MAP3K19: variants seen among roughly 807,000 people sequenced by gnomAD.
MAP3K19 encodes SPS1/STE20-related protein kinase YSK4.
A neutral mutation model predicts 114.4 loss-of-function variants in MAP3K19; 91 were observed. That is an observed-to-expected ratio of 0.80 (90% CI 0.67 to 0.95). The LOEUF is 0.95. MAP3K19 is among the 40% of genes least tolerant of loss of function. The pLI, the probability that MAP3K19 is intolerant of heterozygous loss-of-function variation, is 0.00. For synonymous variants in MAP3K19, 518 were observed against 530.5 expected (o/e 0.98, Z 0.32); for missense variants, 1,471 against 1,573.2 (o/e 0.94, Z 1.10).
Position 134,987,557 on chromosome 2 carries a change from C to G in MAP3K19, c.1315G>C (p.Val439Leu), listed in dbSNP as rs753065925. The G allele has an allele frequency of 6.2e-7, 1 of 1,614,164 alleles. No individual in the cohort carries two copies. Among genetic ancestry groups the G allele is most frequent in the South Asian group, 1.1e-5 (1 of 91,086 alleles). The change falls in exon 10 of 13, where the codon GTA becomes CTA. Residue 439 changes from valine (V) to leucine (L), a missense_variant. By Grantham distance (32) the Val-to-Leu change is conservative. Coordinates refer to ENST00000392915, the MANE Select transcript of MAP3K19 (RefSeq NM_025052.5). The stretch of plus-strand genomic sequence containing the variant: ...ACTACACTGGATAAGCTTTTAAGTA[C>G]AGTACACTCTTCTAAAATATTGTTT... ...EPNNILEECT[V>L]LKSLSSVVFD...
chr2:135,039,123 C>CTTTTTTTTTTTTTTTTTTTTTTT (rs61309665), intron 2 of MAP3K19, among the ~76,000 whole-genome samples: 1 of 112,486 alleles, frequency 8.9e-6, no homozygotes, highest in African/African-American at 2.9e-5. Flanking sequence ...AATTTTCTTT[C>CTTTTTTTTTTTTTTTTTTTTTTT]TTTTTTTTTT....
At chr2:135,029,938 A>G (rs1406700103) in intron 3 of MAP3K19, among the ~76,000 whole-genome samples, 2 of 152,228 alleles carry the variant, frequency 1.3e-5, no homozygotes, top group Non-Finnish European at 2.9e-5. Context: ...GATAAAGATA[A>G]TAACAGCAAC....
At chr2:135,040,816 A>G (rs747873927) in intron 1 of MAP3K19, among the ~76,000 whole-genome samples, 3 of 152,198 alleles carry the variant, frequency 2.0e-5, no homozygotes, top group Non-Finnish European at 4.4e-5. Flanking sequence ...AGAAGAGAGG[A>G]TGTATCCACA....
intron 11 of MAP3K19, 154 bp downstream of exon 11, chr2:134,983,522 G>A (rs766170134): frequency 2.1e-5 from 13 of 622,730 alleles, no homozygotes; most frequent in Non-Finnish European, 3.1e-5. Flanking sequence ...TTCCCTCAGT[G>A]GTTGGATTTT....
At chr2:135,013,201 C>T (rs1687353837) in intron 5 of MAP3K19, among the ~76,000 whole-genome samples, 1 of 151,704 alleles carries the variant, frequency 6.6e-6, no homozygotes, top group African/African-American at 2.4e-5. Flanking sequence ...ATGCCTGTAA[C>T]CCCAGTTACT....
At position 135,044,656 on chromosome 2, in the gene MAP3K19, T is replaced by C. The variant is rs547151624; in HGVS notation, c.-424+2529A>G. On this transcript the variant is annotated intron_variant, in intron 1 of 12. Transcript: ENST00000392915. ...ATTTAAAGGCACATTTGCAGAATAG[T>C]CTTATTTCCGTTTTCATGTTTGGAC... 9.1e-4 allele frequency among the ~76,000 whole-genome samples: 138 copies of C among 152,232 alleles called. 1 individual carries two copies. Among genetic ancestry groups the C allele is most frequent in the African/African-American group, 3.0e-3 (124 of 41,546 alleles).
In MAP3K19 at chr2:134,988,005, CAT is replaced by C. The variant is rs1685289437; in HGVS notation, c.865_866del (p.Met289ValfsTer5). 1 of 1,614,190 alleles carries C rather than the reference CAT, an allele frequency of 6.2e-7. No individual in the cohort carries two copies. Among genetic ancestry groups the C allele is most frequent in the Non-Finnish European group, 8.5e-7 (1 of 1,180,034 alleles). On this transcript the variant is annotated frameshift_variant, in exon 10 of 13. Coordinates refer to ENST00000392915, the MANE Select transcript of MAP3K19 (RefSeq NM_025052.5). LOFTEE classifies it high-confidence loss of function. ...SSDGFIWSRN[M>X]CSFPKTNHHR... is the part of the protein sequence containing the mutation. ...GATGGTTAGTCTTAGGAAAAGAGCA[CAT>C]GTTTCTTGACCAAATGAAGCCATCA...
intron 8 of MAP3K19, among the ~76,000 whole-genome samples, chr2:134,994,755 G>C (rs1042904202): frequency 4.6e-5 from 7 of 152,120 alleles, no homozygotes; most frequent in African/African-American, 1.7e-4. Context: ...CTCCTTTGAG[G>C]CCCATTCAAC....
At chr2:135,005,576 G>T in intron 5 of MAP3K19, 45 bp from the exon 6 acceptor site, 1 of 1,447,502 alleles carries the variant, frequency 6.9e-7, no homozygotes, top group Non-Finnish European at 9.7e-7. Flanking sequence ...GTTATTCGAT[G>T]TACCAGTTTG....
At position 134,986,739 on chromosome 2, in the gene MAP3K19, A is replaced by G; in HGVS notation, c.2133T>C (p.Asn711=). The part of the protein sequence containing the change: ...CRSSHSERKS[N]IRTRLSQKKT... ...TTTTCTGAGAAAGTCTTGTTCTGATATTGCTCTTCCTCTCACTGTGTGAAG... is the reference window on the plus strand; with the variant it reads ...TTTTCTGAGAAAGTCTTGTTCTGATGTTGCTCTTCCTCTCACTGTGTGAAG... Residue 711 remains asparagine, a synonymous_variant, in exon 10 of 13, where the codon AAT becomes AAC. Coordinates refer to ENST00000392915, the MANE Select transcript of MAP3K19 (RefSeq NM_025052.5). 1 of 1,614,092 alleles carries G rather than the reference A, an allele frequency of 6.2e-7. No homozygotes were observed. The highest frequency in any genetic ancestry group is 8.5e-7 in the Non-Finnish European group (1 of 1,180,004).
chr2:134,972,200 A>AT (rs770022330), intron 12 of MAP3K19, among the ~76,000 whole-genome samples: 95 of 148,364 alleles, frequency 6.4e-4, no homozygotes, highest in Middle Eastern at 3.4e-3. Flanking sequence ...CAAGCTTTCT[A>AT]TTTTTTTTTT....
At chr2:134,982,319 C>G (rs1441250624) in intron 11 of MAP3K19, among the ~76,000 whole-genome samples, 1 of 144,028 alleles carries the variant, frequency 6.9e-6, no homozygotes, top group East Asian at 2.1e-4. Flanking sequence ...CGAGGTCTCT[C>G]TATGTTGCCC....
chr2:135,035,526 A>G (rs1291272408), intron 2 of MAP3K19, among the ~76,000 whole-genome samples: 1 of 152,214 alleles, frequency 6.6e-6, no homozygotes, highest in African/African-American at 2.4e-5. Flanking sequence ...GCTAAAGGAT[A>G]TCGGGTTTCT....
Position 134,964,875 on chromosome 2 carries a change from T to C in MAP3K19, c.3962A>G (p.His1321Arg), listed in dbSNP as rs778077139. The C allele has an allele frequency of 6.2e-7, 1 of 1,613,040 alleles. No individual in the cohort carries two copies. The highest frequency in any genetic ancestry group is 2.2e-5 in the East Asian group (1 of 44,878). ...TCAGTGACTTCTCTCCAAGAAGGAG[T>C]GCTTCAGGAGCTGGAGAGCAGAAGG... Reference protein sequence around the residue: ...ERPSALQLLKHSFLERSH With the variant: ...ERPSALQLLKRSFLERSH The change falls in exon 13 of 13, where the codon CAC becomes CGC. Residue 1321 changes from histidine to arginine, a missense_variant. His to Arg is a conservative substitution (Grantham distance 29). Transcript: ENST00000392915.
chr2:135,033,312 A>G (rs1403228239), intron 2 of MAP3K19, among the ~76,000 whole-genome samples: 156 of 79,286 alleles, frequency 2.0e-3, no homozygotes, highest in South Asian at 2.9e-3. Context: ...TCCCAGTAGG[A>G]GCGGCTGGGC....
intron 2 of MAP3K19, among the ~76,000 whole-genome samples, chr2:135,039,307 G>T (rs556988257): frequency 6.6e-6 from 1 of 152,154 alleles, no homozygotes; most frequent in South Asian, 2.1e-4. Context: ...AACTGGCCAG[G>T]TGCAGTGGCC....
intron 5 of MAP3K19, among the ~76,000 whole-genome samples, chr2:135,007,824 C>T (rs1296977626): frequency 6.6e-6 from 1 of 152,072 alleles, no homozygotes; most frequent in Non-Finnish European, 1.5e-5. Flanking sequence ...CCTATCAAAT[C>T]ACAAAGGGGG....
At chr2:135,000,455 C>T (rs1345038232) in intron 6 of MAP3K19, among the ~76,000 whole-genome samples, 2 of 152,200 alleles carry the variant, frequency 1.3e-5, no homozygotes, top group African/African-American at 4.8e-5. Flanking sequence ...ACCCTTAAGA[C>T]AGAAAGTTCC....
chr2:135,035,338 A>G (rs1052270273), intron 2 of MAP3K19, among the ~76,000 whole-genome samples: 3 of 152,198 alleles, frequency 2.0e-5, no homozygotes, highest in African/African-American at 7.2e-5. Flanking sequence ...TAGGGCCTGC[A>G]GTGAGCTGTG....
Sources: allele counts gnomAD v4.1 joint callset (sites outside exome capture counted in the v4.1 genomes callset), GRCh38; gene constraint gnomAD v4.1.1; transcripts MANE v1.5; gene names NCBI Gene and HGNC (gene_info 2026-07-23, HGNC 2026-07-21).